Variants in PAQR7 observed in about 807,000 individuals in gnomAD.
PAQR7 encodes the protein membrane progestin receptor alpha.
PAQR7 carries 14 observed loss-of-function variants against 24.6 expected under a neutral mutation model. The observed-to-expected ratio is 0.57, with a 90% CI of 0.38 to 0.89. The LOEUF (loss-of-function observed/expected upper bound fraction) is 0.89. Ranked by LOEUF, PAQR7 falls within the 40% of genes least tolerant of loss-of-function variation. The probability of loss-of-function intolerance (pLI) is 0.00; values close to 1 mark genes in which losing one functional copy is unlikely to be tolerated. For synonymous variants in PAQR7, 189 were observed against 198.8 expected, an observed-to-expected ratio of 0.95 and a Z score of 0.42; for missense variants, 351 against 444.0, an observed-to-expected ratio of 0.79 and a Z score of 1.88.
At chr1:25,871,323 A>T (rs1572281679) in intron 1 of PAQR7, 1 of 152,202 alleles carries the variant, frequency 6.6e-6, no homozygotes, top group South Asian at 2.1e-4. Context: ...GTCCCAGGGG[A>T]AGGGGCCTCA....
In PAQR7 at chr1:25,875,593, C is replaced by T. The variant is rs1332726744; in HGVS notation, c.-214G>A. On this transcript the variant is annotated 5_prime_UTR_variant, in exon 1 of 3. Coordinates refer to ENST00000675840, the MANE Select transcript of PAQR7 (RefSeq NM_178422.6). This position sits in a 1 kb window ranked among gnomAD's most constrained non-coding sequence, Gnocchi z 5.4. ...CCGCCCCAAGCCGGGGGAGGGCGGG[C>T]GGCCTCGGGCGCTCTGGCTACAGCC... 6.6e-6 allele frequency among the ~76,000 whole-genome samples: 1 copy of T among 151,796 alleles called. No individual in the cohort carries two copies. The highest frequency in any genetic ancestry group is 1.9e-4 in the East Asian group (1 of 5,154).
chr1:25,861,629 T>C lies in PAQR7; in HGVS notation c.*1170A>G, dbSNP rs2048511065. On this transcript the variant is annotated 3_prime_UTR_variant, in exon 3 of 3. Coordinates refer to ENST00000675840, the MANE Select transcript of PAQR7 (RefSeq NM_178422.6). Reference sequence around the variant, plus strand: ...TTCCTATTCTCCATCTGCAAACTCCTATTCACACTCCCCAACCTAAGACCC... The same window carrying C: ...TTCCTATTCTCCATCTGCAAACTCCCATTCACACTCCCCAACCTAAGACCC... 1 of 152,452 alleles carries C rather than the reference T, an allele frequency of 6.6e-6. No individual in the cohort carries two copies. Among genetic ancestry groups the C allele is most frequent in the African/African-American group, 2.4e-5 (1 of 41,410 alleles). The allele number at this position is 152,452 out of a possible 1,614,324, so 9.4% of individuals were successfully genotyped here.
chr1:25,869,059 G>A (rs1572280145), intron 2 of PAQR7, among the ~76,000 whole-genome samples: 1 of 151,814 alleles, frequency 6.6e-6, no homozygotes, highest in Non-Finnish European at 1.5e-5. Flanking sequence ...CCCGGGAGGC[G>A]GAGGTTGCAG....
chr1:25,873,245 G>A (rs1045330903), intron 1 of PAQR7, among the ~76,000 whole-genome samples: 6 of 152,152 alleles, frequency 3.9e-5, no homozygotes, highest in Non-Finnish European at 8.8e-5. Flanking sequence ...AGCCAACCTG[G>A]GAGCCCAGCC....
intron 2 of PAQR7, among the ~76,000 whole-genome samples, chr1:25,866,513 G>C (rs972975897): frequency 1.3e-5 from 2 of 152,186 alleles, no homozygotes; most frequent in African/African-American, 4.8e-5. Context: ...GTCATGATCT[G>C]GCAAAAGATA....
intron 2 of PAQR7, among the ~76,000 whole-genome samples, chr1:25,865,375 T>C (rs1172509691): frequency 6.6e-6 from 1 of 152,018 alleles, no homozygotes; most frequent in African/African-American, 2.4e-5. Context: ...CAATGTTTGC[T>C]GAATGAAAGA....
intron 2 of PAQR7, among the ~76,000 whole-genome samples, chr1:25,867,302 T>G (rs2048565345): frequency 1.3e-5 from 2 of 152,198 alleles, no homozygotes; most frequent in Admixed American, 6.5e-5. Context: ...CCCAAAGTGC[T>G]GGGATTACAA....
Position 25,863,263 on chromosome 1 carries a change from T to G in PAQR7, c.577A>C (p.Lys193Gln). 1 of 1,614,182 alleles carries G rather than the reference T, an allele frequency of 6.2e-7. No homozygotes were observed. Among genetic ancestry groups the G allele is most frequent in the East Asian group, 2.2e-5 (1 of 44,874 alleles). Residue 193 changes from lysine (K) to glutamine (Q), a missense_variant, in exon 3 of 3, where the codon AAG (lysine) becomes CAG (glutamine). Transcript: ENST00000675840. This position sits in a 1 kb window ranked among gnomAD's most constrained non-coding sequence, Gnocchi z 6.1. ...WLSCIGSCYN[K>Q]YIQKPGLLGR... The stretch of plus-strand genomic sequence containing the variant: ...AGCAGGCCTGGTTTCTGGATGTACT[T>G]GTTATAGCAGGAGCCAATGCAGGAA...
intron 1 of PAQR7, among the ~76,000 whole-genome samples, chr1:25,871,972 T>C (rs2048609927): frequency 2.6e-5 from 4 of 152,318 alleles, no homozygotes; most frequent in Admixed American, 2.6e-4. Context: ...GCTGCCCTGG[T>C]GGTGGACATC....
intron 2 of PAQR7, among the ~76,000 whole-genome samples, chr1:25,868,545 T>C (rs1255088573): frequency 6.6e-6 from 1 of 151,068 alleles, no homozygotes; most frequent in African/African-American, 2.4e-5. Context: ...CCTGTCTCTA[T>C]GAAAAAATAC....
At chr1:25,871,729 T>C (rs2048607319) in intron 1 of PAQR7, among the ~76,000 whole-genome samples, 1 of 152,154 alleles carries the variant, frequency 6.6e-6, no homozygotes, top group African/African-American at 2.4e-5. Flanking sequence ...AAAATGGGCT[T>C]ATGGAGAGGG....
chr1:25,871,785 T>C (rs2048607773), intron 1 of PAQR7, among the ~76,000 whole-genome samples: 1 of 152,216 alleles, frequency 6.6e-6, no homozygotes, highest in Non-Finnish European at 1.5e-5. Flanking sequence ...TCAGTGCTTA[T>C]ACTATATGCC....
chr1:25,863,714 G>A lies in PAQR7; in HGVS notation c.126C>T (p.Phe42=), dbSNP rs2048532898. Residue 42 remains phenylalanine, a synonymous_variant, in exon 3 of 3, where the codon TTC becomes TTT. Coordinates refer to ENST00000675840, the MANE Select transcript of PAQR7 (RefSeq NM_178422.6). This position sits in a 1 kb window ranked among gnomAD's most constrained non-coding sequence, Gnocchi z 6.1. ...TVDRAEVPPL[F]WKPYIYAGYR... ...AGCCCGCATAGATGTACGGCTTCCA[G>A]AAGAGCGGCGGCACCTCAGCTCGAT... 1.2e-6 allele frequency: 2 copies of A among 1,614,040 alleles called. No individual in the cohort carries two copies. Among genetic ancestry groups the A allele is most frequent in the Non-Finnish European group, 1.7e-6 (2 of 1,180,050 alleles).
Position 25,863,922 on chromosome 1 carries a change from T to TG in PAQR7, c.-22-62dup, listed in dbSNP as rs1362543556. 4.5e-6 allele frequency: 6 copies of TG among 1,332,252 alleles called. No homozygotes were observed. Among genetic ancestry groups the TG allele is most frequent in the Non-Finnish European group, 5.1e-6 (5 of 981,064 alleles). The allele number at this position is 1,332,252 out of a possible 1,614,324, so 82.5% of individuals were successfully genotyped here. ...TGTCCTCACCCCCACGAGCAGCAGC[T>TG]GGGGGGCTCTGATGCCCAAATCCTA... is the stretch of plus-strand genomic sequence containing the variant. On this transcript the variant is annotated intron_variant, in intron 2 of 2. Coordinates refer to ENST00000675840, the MANE Select transcript of PAQR7 (RefSeq NM_178422.6). This position sits in a 1 kb window ranked among gnomAD's most constrained non-coding sequence, Gnocchi z 6.1.
In PAQR7 at chr1:25,863,936, G is replaced by A; in HGVS notation, c.-22-75C>T. On this transcript the variant is annotated intron_variant, in intron 2 of 2. Transcript: ENST00000675840. The surrounding 1 kb of genome is among the most constrained non-coding windows in gnomAD (Gnocchi z 6.1). The stretch of plus-strand genomic sequence containing the variant: ...CGAGCAGCAGCTGGGGGGCTCTGAT[G>A]CCCAAATCCTACTCCCTCCTCTCCG... 2 of 1,134,056 alleles carry A rather than the reference G, an allele frequency of 1.8e-6. No homozygotes were observed. Among genetic ancestry groups the A allele is most frequent in the Non-Finnish European group, 2.5e-6 (2 of 806,950 alleles). The allele number at this position is 1,134,056 out of a possible 1,614,324, so 70.2% of individuals were successfully genotyped here.
intron 1 of PAQR7, among the ~76,000 whole-genome samples, chr1:25,872,008 G>A (rs11576981): frequency 0.028 from 4,284 of 152,304 alleles, 83 homozygotes; most frequent in Non-Finnish European, 0.045. Context: ...CAGGCTCTCC[G>A]GCAGGCTGTT....
At chr1:25,865,580 C>A (rs1024443586) in intron 2 of PAQR7, among the ~76,000 whole-genome samples, 1 of 152,080 alleles carries the variant, frequency 6.6e-6, no homozygotes, top group African/African-American at 2.4e-5. Flanking sequence ...GAGGCCGAGG[C>A]GGGCGGATCA....
intron 1 of PAQR7, among the ~76,000 whole-genome samples, chr1:25,873,479 T>C (rs1457571543): frequency 6.6e-6 from 1 of 152,092 alleles, no homozygotes; most frequent in African/African-American, 2.4e-5. Flanking sequence ...AGTCCCTACA[T>C]GTCTTCCAAA....
chr1:25,867,921 CTT>C (rs1451387783), intron 2 of PAQR7, among the ~76,000 whole-genome samples: 1 of 152,230 alleles, frequency 6.6e-6, no homozygotes, highest in East Asian at 1.9e-4. Context: ...GTGCAGGACT[CTT>C]CTATTCCCCA....
Sources: gnomAD v4.1 joint callset for allele counts (sites outside exome capture counted in the v4.1 genomes callset) on GRCh38, gnomAD v4.1.1 for gene constraint, Gnocchi (gnomAD v3.1) non-coding constraint, MANE v1.5 for transcripts, NCBI Gene and HGNC (gene_info 2026-07-23, HGNC 2026-07-21) for gene names.